The following DAB1 variants were observed in gnomAD, a reference collection of about 807,000 sequenced individuals.
The protein encoded by DAB1 is disabled homolog 1.
DAB1 carries 15 observed loss-of-function variants against 64.6 expected under a neutral mutation model. The observed-to-expected ratio is 0.23, with a 90% CI of 0.16 to 0.36. The LOEUF (loss-of-function observed/expected upper bound fraction) is 0.36. DAB1 is among the 10% of genes least tolerant of loss of function. The probability of loss-of-function intolerance (pLI) is 1.00; values close to 1 mark genes in which losing one functional copy is unlikely to be tolerated. For synonymous variants in DAB1, 235 were observed against 251.9 expected (o/e 0.93, Z 0.64); for missense variants, 596 against 706.7 (o/e 0.84, Z 1.78).
intron 11 of DAB1, among the ~76,000 whole-genome samples, chr1:57,016,763 A>C (rs1646446803): frequency 1.3e-5 from 2 of 152,188 alleles, no homozygotes; most frequent in South Asian, 4.1e-4. Flanking sequence ...GAGCACAAGC[A>C]ACACTTGTTA....
chr1:57,112,616 C>T (rs1655768894), intron 4 of DAB1, among the ~76,000 whole-genome samples: 3 of 152,100 alleles, frequency 2.0e-5, no homozygotes, highest in Non-Finnish European at 1.5e-5. Flanking sequence ...ACATAGGCTA[C>T]CCATGAGTAA....
rs141385863 is a variant in DAB1, at chr1:58,406,475, G to T, written n.258-63072C>A. Among the ~76,000 whole-genome samples, 23 of 152,300 alleles carry T rather than the reference G, an allele frequency of 1.5e-4. No homozygotes were observed. The East Asian group carries it at 4.4e-3, about 29-fold the overall frequency. ...ACATGATCCAGCCCTGGGCGTTTCC[G>T]GCCACTTTCAAAGCCATAGCCCAGA... On this transcript the variant is annotated intron_variant and non_coding_transcript_variant, in intron 3 of 20. Transcript: ENST00000485760.
At chr1:58,479,662 T>C (rs1267305191) in intron 3 of DAB1, among the ~76,000 whole-genome samples, 1 of 152,210 alleles carries the variant, frequency 6.6e-6, no homozygotes, top group Non-Finnish European at 1.5e-5. Flanking sequence ...TTTACTTATA[T>C]TGAAGCCATA....
intron 5 of DAB1, among the ~76,000 whole-genome samples, chr1:57,915,849 T>C (rs12125562): frequency 0.15 from 22,330 of 152,168 alleles, 2,137 homozygotes; most frequent in Admixed American, 0.26. Context: ...AAGTTCATCT[T>C]GGGAAGAGCT....
At chr1:58,234,982 T>C (rs1038840938) in intron 4 of DAB1, among the ~76,000 whole-genome samples, 8 of 152,240 alleles carry the variant, frequency 5.3e-5, no homozygotes, top group African/African-American at 1.9e-4. Context: ...CAGACATGAA[T>C]AACAGTGAAC....
chr1:58,377,125 CTT>C (rs1166969932), intron 3 of DAB1, among the ~76,000 whole-genome samples: 2 of 147,992 alleles, frequency 1.4e-5, no homozygotes, highest in African/African-American at 2.5e-5. Flanking sequence ...GGTCTTGACT[CTT>C]TATCCAACTT....
chr1:57,089,342 AT>A (rs1357063081), intron 4 of DAB1, among the ~76,000 whole-genome samples: 2 of 152,232 alleles, frequency 1.3e-5, no homozygotes, highest in African/African-American at 4.8e-5. Context: ...TTGCATTGCT[AT>A]AAAGAAATAC....
At chr1:58,337,780 GCATATTAACCCGGAGAGA>G (rs1663156089) in intron 4 of DAB1, among the ~76,000 whole-genome samples, 1 of 152,144 alleles carries the variant, frequency 6.6e-6, no homozygotes, top group Non-Finnish European at 1.5e-5. Flanking sequence ...GGAGAAAGGG[GCATATTAACCCGGAGAGA>G]CAGTGGTTTG....
chr1:57,239,063 T>C (rs1668317267), intron 2 of DAB1, among the ~76,000 whole-genome samples: 1 of 152,178 alleles, frequency 6.6e-6, no homozygotes, highest in South Asian at 2.1e-4. Flanking sequence ...TTTACAGAAG[T>C]CCAGGACACA....
At chr1:57,429,144 G>A (rs951217268) in intron 7 of DAB1, among the ~76,000 whole-genome samples, 3 of 152,044 alleles carry the variant, frequency 2.0e-5, no homozygotes, top group Admixed American at 6.6e-5. Context: ...TCAACTTTTG[G>A]CTTCATGCGA....
intron 9 of DAB1, among the ~76,000 whole-genome samples, chr1:57,058,274 G>C (rs1446210687): frequency 6.6e-6 from 1 of 152,168 alleles, no homozygotes; most frequent in Non-Finnish European, 1.5e-5. Flanking sequence ...ACACAAAGTG[G>C]AAGAAGGGCC....
intron 3 of DAB1, chr1:58,474,089 T>G (rs1332753008): frequency 2.2e-6 from 1 of 457,800 alleles, no homozygotes; most frequent in African/African-American, 2.0e-5. Flanking sequence ...CAATAAAGCA[T>G]CAAGCATTCC....
At chr1:58,163,732 G>A (rs370457593) in intron 4 of DAB1, among the ~76,000 whole-genome samples, 27 of 152,256 alleles carry the variant, frequency 1.8e-4, no homozygotes, top group African/African-American at 6.0e-4. Flanking sequence ...ATTTTCAGCA[G>A]AAGTGATGAC....
chr1:58,476,137 C>A (rs1466860074), intron 3 of DAB1, among the ~76,000 whole-genome samples: 1 of 152,130 alleles, frequency 6.6e-6, no homozygotes, highest in South Asian at 2.1e-4. Context: ...GTATTAGGAA[C>A]CTGTCAGCTA....
chr1:58,380,937 T>C (rs1315834976), intron 3 of DAB1, among the ~76,000 whole-genome samples: 1 of 152,132 alleles, frequency 6.6e-6, no homozygotes, highest in East Asian at 1.9e-4. Context: ...GTGGTACATA[T>C]ACACCATGGA....
rs574020202 is a variant in DAB1, at chr1:58,129,877, C to G, written n.387+20634G>C. On this transcript the variant is annotated intron_variant and non_coding_transcript_variant, in intron 5 of 20. Coordinates refer to the DAB1 transcript ENST00000485760. ...TTGCTGAGGAGAGCTTTACTTCCAA[C>G]TATGTGGTCAATTTTGGAATAGGTG... 5.4e-5 allele frequency among the ~76,000 whole-genome samples: 8 copies of G among 148,254 alleles called. No homozygotes were observed. In the East Asian group the frequency reaches 8.0e-4, roughly 15 times the overall value.
intron 7 of DAB1, among the ~76,000 whole-genome samples, chr1:57,583,267 C>T (rs540439042): frequency 1.3e-5 from 2 of 150,966 alleles, no homozygotes; most frequent in South Asian, 2.1e-4. Context: ...CTCTGAGCCT[C>T]GGTTTCTTGT....
chr1:57,262,211 G>T (rs1390757756), intron 2 of DAB1, among the ~76,000 whole-genome samples: 1 of 152,198 alleles, frequency 6.6e-6, no homozygotes, highest in African/African-American at 2.4e-5. Context: ...TATTCCCATT[G>T]TACCATTAAG....
intron 2 of DAB1, among the ~76,000 whole-genome samples, chr1:57,208,715 T>A (rs924504068): frequency 1.2e-4 from 19 of 152,168 alleles, no homozygotes; most frequent in Non-Finnish European, 2.2e-4. Flanking sequence ...TTTAATGCAT[T>A]TTCTTTCTCC....
Sources: allele counts gnomAD v4.1 joint callset (sites outside exome capture counted in the v4.1 genomes callset), GRCh38; gene constraint gnomAD v4.1.1; transcripts MANE v1.5; gene names NCBI Gene and HGNC (gene_info 2026-07-23, HGNC 2026-07-21).